The following DTNA variants were observed in gnomAD, a reference collection of about 807,000 sequenced individuals.
DTNA encodes the protein dystrophin-related protein 3.
In DTNA, 43 loss-of-function variants were observed where a neutral mutation model predicts 100.7. The ratio of observed to expected loss-of-function variants is 0.43; its 90% CI spans 0.33 to 0.55. The LOEUF is 0.55. Among genes scored for constraint, DTNA ranks in the 20% least tolerant of loss-of-function variants. DTNA has a pLI of 0.04. For missense variants in DTNA, 798 were observed against 953.9 expected, an observed-to-expected ratio of 0.84 and a Z score of 2.15; for synonymous variants, 349 against 347.9, an observed-to-expected ratio of 1.00 and a Z score of -0.04.
At position 34,742,668 on chromosome 18, in the gene DTNA, A is replaced by ATCTAGATAGATAGATAATCTATTATCTG. The variant is rs1245963056; in HGVS notation, c.-1-13304_-1-13303insGATAGATAGATAATCTATTATCTGTCTA. ...TAGATAGATAGATAATCTATTATCT[A>ATCTAGATAGATAGATAATCTATTATCTG]TCTATTCCCATTATCCTGTCTATTT... On this transcript the variant is annotated intron_variant, in intron 1 of 22. Transcript: ENST00000444659. Among the ~76,000 whole-genome samples the ATCTAGATAGATAGATAATCTATTATCTG allele has an allele frequency of 1.2e-4, 18 of 151,856 alleles. 1 individual carries two copies. The highest frequency in any genetic ancestry group is 3.3e-4 in the Admixed American group (5 of 15,256).
At chr18:34,585,407 A>G (rs879286344) in intron 1 of DTNA, among the ~76,000 whole-genome samples, 2 of 152,252 alleles carry the variant, frequency 1.3e-5, no homozygotes, top group African/African-American at 2.4e-5. Flanking sequence ...GAAGAAAAAA[A>G]TGTGTAAAAG....
intron 1 of DTNA, among the ~76,000 whole-genome samples, chr18:34,606,357 T>C (rs570591763): frequency 6.6e-6 from 1 of 152,344 alleles, no homozygotes; most frequent in African/African-American, 2.4e-5. Flanking sequence ...TAATGTACTA[T>C]GTTCTTTGAC....
intron 1 of DTNA, among the ~76,000 whole-genome samples, chr18:34,625,847 A>G (rs77449229): frequency 1.9e-3 from 287 of 152,266 alleles, no homozygotes; most frequent in Non-Finnish European, 3.3e-3. Flanking sequence ...GAAAACAATG[A>G]ATGAAGGCAG....
intron 17 of DTNA, among the ~76,000 whole-genome samples, chr18:34,864,527 A>T (rs2096672683): frequency 6.6e-6 from 1 of 152,186 alleles, no homozygotes; most frequent in Admixed American, 6.5e-5. Context: ...TGCTGGGATT[A>T]CAGGCGTGAG....
intron 1 of DTNA, among the ~76,000 whole-genome samples, chr18:34,647,421 A>T (rs1422266181): frequency 6.6e-6 from 1 of 152,164 alleles, no homozygotes; most frequent in Non-Finnish European, 1.5e-5. Context: ...GCATAGAAAA[A>T]GGGCAGCTTT....
At chr18:34,866,967 G>GGAGCA in intron 17 of DTNA, 4 of 1,158,532 alleles carry the variant, frequency 3.5e-6, no homozygotes, top group Non-Finnish European at 4.2e-6. Flanking sequence ...GCCAGCAGGG[G>GGAGCA]GAGCAGCAAA....
chr18:34,657,438 A>G (rs1470774719), intron 1 of DTNA, among the ~76,000 whole-genome samples: 1 of 152,186 alleles, frequency 6.6e-6, no homozygotes, highest in Admixed American at 6.5e-5. Context: ...CATTGTCCAA[A>G]CTGAAAGAGT....
At chr18:34,790,567 A>ATATATATATATATATTTTTTT (rs2094687460) in intron 3 of DTNA, among the ~76,000 whole-genome samples, 9 of 39,654 alleles carry the variant, frequency 2.3e-4, no homozygotes, top group African/African-American at 7.3e-4. Context: ...ATATATATAT[A>ATATATATATATATATTTTTTT]TTTTTTTTTT....
At chr18:34,553,737 A>G (rs538403608) in intron 1 of DTNA, among the ~76,000 whole-genome samples, 1 of 151,908 alleles carries the variant, frequency 6.6e-6, no homozygotes, top group Non-Finnish European at 1.5e-5. Context: ...CCATTGATCT[A>G]TATCTCTGTT....
intron 1 of DTNA, among the ~76,000 whole-genome samples, chr18:34,494,676 G>A (rs2038985650): frequency 6.6e-6 from 1 of 151,990 alleles, no homozygotes; most frequent in South Asian, 2.1e-4. Flanking sequence ...GGGGGAGGGG[G>A]CAGGGGAGGC....
intron 1 of DTNA, among the ~76,000 whole-genome samples, chr18:34,628,000 A>T (rs978520584): frequency 2.4e-4 from 36 of 152,172 alleles, no homozygotes; most frequent in Middle Eastern, 3.4e-3. Context: ...TGTGTTGCCT[A>T]GGCTGGTCTC....
At chr18:34,801,211 T>A (rs1245515996) in intron 4 of DTNA, among the ~76,000 whole-genome samples, 1 of 152,206 alleles carries the variant, frequency 6.6e-6, no homozygotes, top group Non-Finnish European at 1.5e-5. Context: ...CCATTTCAGT[T>A]TGTGCTTTTG....
Position 34,554,448 on chromosome 18 carries a change from G to C in DTNA, c.-2+60934G>C, listed in dbSNP as rs1285394003. 1.9e-3 allele frequency among the ~76,000 whole-genome samples: 285 copies of C among 149,550 alleles called. 1 individual carries two copies. The highest frequency in any genetic ancestry group is 3.2e-3 in the Non-Finnish European group (217 of 66,908). Reference sequence around the variant, plus strand: ...TGGTGAGAGAGGGCATCCCTGTCTTGTGCCAGTTTTCAAAGGGAATGCTTC... The same window carrying C: ...TGGTGAGAGAGGGCATCCCTGTCTTCTGCCAGTTTTCAAAGGGAATGCTTC... On this transcript the variant is annotated intron_variant, in intron 1 of 19. Coordinates refer to the DTNA transcript ENST00000283365.
chr18:34,763,187 G>C (rs988756159), intron 2 of DTNA, among the ~76,000 whole-genome samples: 1 of 152,142 alleles, frequency 6.6e-6, no homozygotes, highest in Non-Finnish European at 1.5e-5. Context: ...AGACTCTCCT[G>C]ATTGCTGAGC....
chr18:34,687,022 T>C (rs1226582684), intron 1 of DTNA, among the ~76,000 whole-genome samples: 2 of 152,156 alleles, frequency 1.3e-5, no homozygotes, highest in East Asian at 3.8e-4. Flanking sequence ...GTCTATTTGA[T>C]TCTTCTCTCT....
intron 1 of DTNA, among the ~76,000 whole-genome samples, chr18:34,567,523 C>G (rs1164579584): frequency 6.6e-6 from 1 of 151,898 alleles, no homozygotes; most frequent in Non-Finnish European, 1.5e-5. Flanking sequence ...TAAAAGTATA[C>G]AGATTGATAA....
At chr18:34,555,329 C>T (rs980054290) in intron 1 of DTNA, among the ~76,000 whole-genome samples, 2 of 149,208 alleles carry the variant, frequency 1.3e-5, no homozygotes, top group African/African-American at 2.5e-5. Flanking sequence ...AAAACCAGCT[C>T]CTGGATTCAT....
chr18:34,733,399 C>T (rs1160592767), intron 1 of DTNA, among the ~76,000 whole-genome samples: 1 of 152,084 alleles, frequency 6.6e-6, no homozygotes, highest in Non-Finnish European at 1.5e-5. Flanking sequence ...CTAGGAACAC[C>T]GTGATTAATT....
chr18:34,863,817 A>G (rs2096660564), intron 16 of DTNA, 149 bp from the exon 17 acceptor site: 2 of 724,240 alleles, frequency 2.8e-6, no homozygotes, highest in African/African-American at 1.7e-5. Context: ...GTAATTGTTC[A>G]TTCATTTGAC....
Sources: gnomAD v4.1 joint callset for allele counts (sites outside exome capture counted in the v4.1 genomes callset) on GRCh38, gnomAD v4.1.1 for gene constraint, MANE v1.5 for transcripts, NCBI Gene and HGNC (gene_info 2026-07-23, HGNC 2026-07-21) for gene names.